The following LDLRAP1 variants were observed in gnomAD, a reference collection of about 807,000 sequenced individuals.
The protein encoded by LDLRAP1 is low density lipoprotein receptor adapter protein 1.
A neutral mutation model predicts 37.8 loss-of-function variants in LDLRAP1; 30 were observed. That is an observed-to-expected ratio of 0.79 (90% CI 0.59 to 1.08). The LOEUF is 1.08. Ranked by LOEUF, LDLRAP1 falls within the 50% of genes least tolerant of loss-of-function variation. The pLI, the probability that LDLRAP1 is intolerant of heterozygous loss-of-function variation, is 0.00. For synonymous variants in LDLRAP1, 156 were observed against 169.8 expected (o/e 0.92, Z 0.63); for missense variants, 375 against 401.6 (o/e 0.93, Z 0.57).
chr1:25,557,451 A>G, intron 4 of LDLRAP1, 184 bp downstream of exon 4: 2 of 608,998 alleles, frequency 3.3e-6, no homozygotes, highest in Non-Finnish European at 5.9e-6. Flanking sequence ...GGCTGCAGGC[A>G]GGCAGGTGAA....
chr1:25,559,208 T>C lies in LDLRAP1; in HGVS notation c.459+1941T>C, dbSNP rs117877734. Among the ~76,000 whole-genome samples, 425 of 152,236 alleles carry C rather than the reference T, an allele frequency of 2.8e-3. 14 individuals are homozygous for C. The East Asian group carries it at 0.073, about 26-fold the overall frequency. On this transcript the variant is annotated intron_variant, in intron 4 of 8. Coordinates refer to ENST00000374338, the MANE Select transcript of LDLRAP1 (RefSeq NM_015627.3). ...ACAGACTTAAAAATACAGCTCCTTA[T>C]GTCCCCATTGTTCATCTCTTCCTGC...
chr1:25,557,432 C>T (rs2044232492), intron 4 of LDLRAP1, 165 bp downstream of exon 4: 1 of 629,798 alleles, frequency 1.6e-6, no homozygotes, highest in Non-Finnish European at 2.8e-6. Context: ...CTAAGGGGTA[C>T]AGTGGTGGGG....
At chr1:25,572,474 C>T (rs778077039), downstream of LDLRAP1, among the ~76,000 whole-genome samples, 9 of 152,232 alleles carry the variant, frequency 5.9e-5, no homozygotes, top group Non-Finnish European at 1.2e-4. Context: ...GGTCCACCCT[C>T]TGCCCCAACC....
chr1:25,586,196 A>G, the LDLRAP1 span, among the ~76,000 whole-genome samples: 2 of 152,212 alleles, frequency 1.3e-5, no homozygotes, highest in Admixed American at 6.5e-5. This position sits in a 1 kb window ranked among gnomAD's most constrained non-coding sequence, Gnocchi z 4.3. Context: ...CAGGCGGTCC[A>G]GGGGCTCTCA....
intron 7 of LDLRAP1, chr1:25,564,818 C>T (rs1468817402): frequency 3.6e-6 from 1 of 274,372 alleles, no homozygotes; most frequent in African/African-American, 2.2e-5. Flanking sequence ...CCATAGAAGT[C>T]ATCAGGTCCA....
chr1:25,555,795 A>T lies in LDLRAP1; in HGVS notation c.344+823A>T, dbSNP rs1043223944. On this transcript the variant is annotated intron_variant, in intron 3 of 8. Transcript: ENST00000374338. This position sits in a 1 kb window ranked among gnomAD's most constrained non-coding sequence, Gnocchi z 4.7. ...TCATACCTGCCTTCCTTTAGTCAAC[A>T]GTTTCAGATACCTATTCTGCCAACG... Among the ~76,000 whole-genome samples the T allele has an allele frequency of 2.0e-5, 3 of 152,136 alleles. No individual in the cohort carries two copies. Among genetic ancestry groups the T allele is most frequent in the Non-Finnish European group, 4.4e-5 (3 of 68,022 alleles).
At chr1:25,563,019 GAC>G (rs2044381193) in intron 5 of LDLRAP1, 49 bp from the exon 6 acceptor site, 1 of 1,547,308 alleles carries the variant, frequency 6.5e-7, no homozygotes, top group African/African-American at 1.4e-5. Flanking sequence ...GATTGCTGGG[GAC>G]AGAGTGCTGG....
downstream of LDLRAP1, among the ~76,000 whole-genome samples, chr1:25,570,362 AT>A (rs2044587473): frequency 6.6e-6 from 1 of 152,124 alleles, no homozygotes; most frequent in Non-Finnish European, 1.5e-5. Flanking sequence ...CGCCTTTCAG[AT>A]TTGACGTGAC....
At position 25,566,881 on chromosome 1, in the gene LDLRAP1, G is replaced by A. The variant is rs1261443504; in HGVS notation, c.816G>A (p.Leu272=). ...LAQSRTNPQV[L]DTGLTAQDMH... is the part of the protein sequence containing the mutation. ...AGTCTCGGACAAACCCTCAGGTCCT[G>A]GACACTGGCCTGACAGCCCAGGACA... The change falls in exon 9 of 9, where the codon CTG becomes CTA. Residue 272 remains leucine, a synonymous_variant. Coordinates refer to ENST00000374338, the MANE Select transcript of LDLRAP1 (RefSeq NM_015627.3). The A allele has an allele frequency of 1.2e-6, 2 of 1,612,512 alleles. No individual in the cohort carries two copies. Among genetic ancestry groups the A allele is most frequent in the African/African-American group, 2.7e-5 (2 of 75,024 alleles).
chr1:25,562,836 G>C, intron 5 of LDLRAP1, 120 bp downstream of exon 5: 1 of 931,148 alleles, frequency 1.1e-6, no homozygotes, highest in South Asian at 1.4e-5. Context: ...ACTGTGAGCA[G>C]GTCCCTTCAC....
At chr1:25,549,385 G>A (rs886508504) in intron 1 of LDLRAP1, among the ~76,000 whole-genome samples, 2 of 152,214 alleles carry the variant, frequency 1.3e-5, no homozygotes, top group Non-Finnish European at 2.9e-5. Flanking sequence ...CAGCTCTGAT[G>A]TTGCAGACAC....
chr1:25,585,572 G>A, the LDLRAP1 span, among the ~76,000 whole-genome samples: 5 of 152,172 alleles, frequency 3.3e-5, no homozygotes, highest in Admixed American at 2.0e-4. Flanking sequence ...TGATCCGCCC[G>A]CCTCGGCCTC....
chr1:25,565,107 A>G, intron 7 of LDLRAP1, 66 bp from the exon 8 acceptor site: 3 of 1,553,700 alleles, frequency 1.9e-6, no homozygotes, highest in South Asian at 1.1e-5. Flanking sequence ...GGGCTGGGAC[A>G]AGCCCCAGCT....
At chr1:25,588,529 C>T in the LDLRAP1 span, among the ~76,000 whole-genome samples, 1 of 152,278 alleles carries the variant, frequency 6.6e-6, no homozygotes, top group African/African-American at 2.4e-5. Flanking sequence ...AATTCTTAAC[C>T]TTGTTTATGA....
rs763453918 is a variant in LDLRAP1, at chr1:25,563,821, G to A, written c.747+30G>A. ...GTGGTTGTGTGGCCAGCAGATCGGTGATCCTCAGCCTGACCTCTGGGTGAG... is the reference window on the plus strand; with the variant it reads ...GTGGTTGTGTGGCCAGCAGATCGGTAATCCTCAGCCTGACCTCTGGGTGAG... On this transcript the variant is annotated intron_variant, in intron 7 of 8. Coordinates refer to ENST00000374338, the MANE Select transcript of LDLRAP1 (RefSeq NM_015627.3). The A allele has an allele frequency of 1.9e-5, 31 of 1,612,768 alleles. No individual in the cohort carries two copies. The South Asian group carries it at 3.3e-4, about 17-fold the overall frequency.
At chr1:25,547,732 A>G (rs1472369212) in intron 1 of LDLRAP1, among the ~76,000 whole-genome samples, 1 of 152,140 alleles carries the variant, frequency 6.6e-6, no homozygotes, top group East Asian at 1.9e-4. Flanking sequence ...AGGTACTGGC[A>G]GTCAGCACAA....
At chr1:25,564,331 C>T (rs2044422783) in intron 7 of LDLRAP1, 1 of 187,824 alleles carries the variant, frequency 5.3e-6, no homozygotes. Flanking sequence ...GACTGTGTTA[C>T]AAAATTAGTA....
At chr1:25,579,684 C>T in the LDLRAP1 span, among the ~76,000 whole-genome samples, 20 of 152,332 alleles carry the variant, frequency 1.3e-4, no homozygotes, top group African/African-American at 4.6e-4. Context: ...ATCTTCGTGC[C>T]ATTCATGTGT....
At position 25,544,346 on chromosome 1, in the gene LDLRAP1, G is replaced by A. The variant is rs534321016; in HGVS notation, c.88+560G>A. On this transcript the variant is annotated intron_variant, in intron 1 of 8. Coordinates refer to ENST00000374338, the MANE Select transcript of LDLRAP1 (RefSeq NM_015627.3). This position sits in a 1 kb window ranked among gnomAD's most constrained non-coding sequence, Gnocchi z 4.8. ...GGTGTGAGCCCGGGGTCGCAGGTAC[G>A]TACTTGAAATTGGGAACGAGGCCCC... 2.0e-5 allele frequency among the ~76,000 whole-genome samples: 3 copies of A among 152,306 alleles called. No homozygotes were observed. Among genetic ancestry groups the A allele is most frequent in the East Asian group, 3.9e-4 (2 of 5,164 alleles).
Sources: allele counts gnomAD v4.1 joint callset (sites outside exome capture counted in the v4.1 genomes callset), GRCh38; gene constraint gnomAD v4.1.1; non-coding constraint Gnocchi (gnomAD v3.1); transcripts MANE v1.5; gene names NCBI Gene and HGNC (gene_info 2026-07-23, HGNC 2026-07-21).